The following ALG8 variants were observed in gnomAD, a reference collection of about 807,000 sequenced individuals.
The protein encoded by ALG8 is ALG8 alpha-1,3-glucosyltransferase.
ALG8 carries 48 observed loss-of-function variants against 70.2 expected under a neutral mutation model. The observed-to-expected ratio is 0.68, with a 90% confidence interval of 0.54 to 0.87. The LOEUF (loss-of-function observed/expected upper bound fraction) is 0.87, where lower values mean the gene tolerates loss of function less well. ALG8 is among the 40% of genes least tolerant of loss of function. The pLI, the probability that ALG8 is intolerant of heterozygous loss-of-function variation, is 0.00. For synonymous variants in ALG8, 234 were observed against 229.0 expected (o/e 1.02, Z -0.20); for missense variants, 572 against 608.7 (o/e 0.94, Z 0.64).
intron 3 of ALG8, 27 bp from the exon 4 acceptor site, chr11:78,121,201 A>G (rs778607862): frequency 6.6e-7 from 1 of 1,518,148 alleles, no homozygotes; most frequent in Non-Finnish European, 9.1e-7. Flanking sequence ...GGAAAGAAAC[A>G]GAAACAACTT....
rs566460043 is a variant in ALG8, at chr11:78,123,012, G to A, written c.368+1009C>T. Among the ~76,000 whole-genome samples the A allele has an allele frequency of 3.0e-4, 42 of 139,790 alleles. 1 individual carries two copies. Among genetic ancestry groups the A allele is most frequent in the African/African-American group, 9.2e-4 (37 of 40,436 alleles). The allele number at this position is 139,790 out of a possible 152,430, so 91.7% of individuals were successfully genotyped here. ...CACAATCACACCAGCGAGCTTAAGAGTTAGGAAAGAATGAGGTCGGTGCAG... is the reference window on the plus strand; with the variant it reads ...CACAATCACACCAGCGAGCTTAAGAATTAGGAAAGAATGAGGTCGGTGCAG... On this transcript the variant is annotated intron_variant, in intron 3 of 12. Coordinates refer to ENST00000299626, the MANE Select transcript of ALG8 (RefSeq NM_024079.5).
intron 5 of ALG8, among the ~76,000 whole-genome samples, chr11:78,118,903 T>C (rs1369258256): frequency 1.3e-5 from 2 of 152,058 alleles, no homozygotes; most frequent in Non-Finnish European, 2.9e-5. Context: ...GGTGACAGAG[T>C]GAGACTGTTT....
chr11:78,126,398 G>T (rs1488230479), intron 2 of ALG8, among the ~76,000 whole-genome samples: 5 of 151,516 alleles, frequency 3.3e-5, no homozygotes, highest in Non-Finnish European at 7.4e-5. Context: ...GGGGCATGGT[G>T]GCGGGCGCCT....
chr11:78,119,297 G>T lies in ALG8; in HGVS notation c.479-48C>A, dbSNP rs746073749. On this transcript the variant is annotated intron_variant, in intron 4 of 12. Transcript: ENST00000299626. ...CAACAGAGGACACCAAATTCATAATGAACTATACCAGCTGATGGAGTATAG... is the reference window on the plus strand; with the variant it reads ...CAACAGAGGACACCAAATTCATAATTAACTATACCAGCTGATGGAGTATAG... 14 of 1,332,630 alleles carry T rather than the reference G, an allele frequency of 1.1e-5. No individual in the cohort carries two copies. The South Asian group carries it at 1.4e-4, about 13-fold the overall frequency. 82.6% of individuals were successfully genotyped at this position (1,332,630 alleles called of 1,614,324 possible).
intron 3 of ALG8, among the ~76,000 whole-genome samples, chr11:78,123,685 T>C (rs1860933123): frequency 6.6e-6 from 1 of 152,140 alleles, no homozygotes; most frequent in Non-Finnish European, 1.5e-5. Context: ...TGGAAGCCTC[T>C]GGCGGCCTGC....
Position 78,124,227 on chromosome 11 carries a change from T to G in ALG8, c.175-13A>C. ...ACTCTGAAGTTGCCTGTGATAAAAA[T>G]AGAAGATCAGACATATCCTAAATAA... On this transcript the variant is annotated splice_polypyrimidine_tract_variant and intron_variant, in intron 2 of 12. Transcript: ENST00000299626. 1 of 1,612,762 alleles carries G rather than the reference T, an allele frequency of 6.2e-7. No individual in the cohort carries two copies. Among genetic ancestry groups the G allele is most frequent in the Non-Finnish European group, 8.5e-7 (1 of 1,178,796 alleles).
intron 1 of ALG8, among the ~76,000 whole-genome samples, chr11:78,138,445 C>T (rs1016136006): frequency 1.3e-5 from 2 of 151,686 alleles, no homozygotes; most frequent in Admixed American, 6.6e-5. Context: ...ATGCACAGAC[C>T]TACAGTTAAT....
At chr11:78,121,557 A>C (rs996546970) in intron 3 of ALG8, among the ~76,000 whole-genome samples, 1 of 148,440 alleles carries the variant, frequency 6.7e-6, no homozygotes, top group Non-Finnish European at 1.5e-5. Flanking sequence ...TCTCACTAGA[A>C]AAAAAAAAAA....
chr11:78,130,012 C>A (rs990897708), intron 1 of ALG8, among the ~76,000 whole-genome samples: 3 of 151,832 alleles, frequency 2.0e-5, no homozygotes, highest in African/African-American at 7.3e-5. Flanking sequence ...CAAAAAAAAC[C>A]CAAACAAAAA....
intron 1 of ALG8, among the ~76,000 whole-genome samples, chr11:78,129,855 T>C (rs1417000639): frequency 6.9e-6 from 1 of 145,656 alleles, no homozygotes; most frequent in Non-Finnish European, 1.5e-5. Context: ...GAAGTGATTC[T>C]GACTAAAAAG....
intron 1 of ALG8, among the ~76,000 whole-genome samples, chr11:78,128,733 C>T (rs909524588): frequency 6.6e-6 from 1 of 151,830 alleles, no homozygotes; most frequent in African/African-American, 2.4e-5. Context: ...GCCCCAGCCA[C>T]CCAAGTAGCT....
intron 8 of ALG8, among the ~76,000 whole-genome samples, chr11:78,109,887 G>A (rs546203256): frequency 1.6e-4 from 25 of 152,194 alleles, no homozygotes; most frequent in Non-Finnish European, 3.5e-4. Context: ...AGAACAGTCT[G>A]AGCATGTCAT....
At chr11:78,101,228 A>C in intron 12 of ALG8, 33 bp from the exon 13 acceptor site, 5 of 1,560,248 alleles carry the variant, frequency 3.2e-6, no homozygotes, top group Non-Finnish European at 4.4e-6. Context: ...GTCTGATTTT[A>C]GATGAGTCAT....
chr11:78,128,596 G>C (rs1196785153), intron 1 of ALG8, among the ~76,000 whole-genome samples: 1 of 150,698 alleles, frequency 6.6e-6, no homozygotes, highest in African/African-American at 2.5e-5. Flanking sequence ...ATTGTATAAT[G>C]ATGACTCCCA....
chr11:78,133,843 G>C (rs1001957714), intron 1 of ALG8, among the ~76,000 whole-genome samples: 9 of 151,828 alleles, frequency 5.9e-5, no homozygotes, highest in Non-Finnish European at 1.3e-4. Flanking sequence ...TGAGCTTGCA[G>C]TGAGCCGAGA....
chr11:78,136,197 C>T (rs1861543003), intron 1 of ALG8, among the ~76,000 whole-genome samples: 1 of 151,366 alleles, frequency 6.6e-6, no homozygotes, highest in African/African-American at 2.4e-5. Flanking sequence ...AAATATTGAC[C>T]AGTGAGGTGG....
chr11:78,126,091 G>A (rs1590833014), intron 2 of ALG8, among the ~76,000 whole-genome samples: 3 of 152,016 alleles, frequency 2.0e-5, no homozygotes, highest in South Asian at 2.1e-4. Flanking sequence ...CCTGGGAGGC[G>A]GAGCTTGCAG....
chr11:78,139,203 T>C (rs111635855), intron 1 of ALG8: 5 of 455,498 alleles, frequency 1.1e-5, no homozygotes, highest in African/African-American at 5.9e-5. Context: ...TAATACTGGC[T>C]GAATGGCTGT....
intron 12 of ALG8, among the ~76,000 whole-genome samples, chr11:78,101,572 T>C (rs1859799741): frequency 6.6e-6 from 1 of 152,146 alleles, no homozygotes; most frequent in South Asian, 2.1e-4. Context: ...TGAGTCGATA[T>C]GGCACCACTG....
Sources: allele counts gnomAD v4.1 joint callset (sites outside exome capture counted in the v4.1 genomes callset), GRCh38; gene constraint gnomAD v4.1.1; transcripts MANE v1.5; gene names NCBI Gene and HGNC (gene_info 2026-07-23, HGNC 2026-07-21).